PRKN: variants seen among roughly 807,000 people sequenced by gnomAD.
The protein encoded by PRKN is parkin RBR E3 ubiquitin protein ligase.
A neutral mutation model predicts 59.5 loss-of-function variants in PRKN; 56 were observed. The observed-to-expected ratio is 0.94, with a 90% CI of 0.76 to 1.18. The LOEUF (loss-of-function observed/expected upper bound fraction) is 1.18. PRKN is among the 50% of genes most tolerant of loss of function. The pLI is 0.00. For synonymous variants in PRKN, 250 were observed against 222.1 expected (o/e 1.13, Z -1.12); for missense variants, 657 against 596.4 (o/e 1.10, Z -1.06).
At chr6:162,554,713 T>C (rs1437879449) in intron 1 of PRKN, among the ~76,000 whole-genome samples, 1 of 151,918 alleles carries the variant, frequency 6.6e-6, no homozygotes, top group East Asian at 1.9e-4. Flanking sequence ...GCTTGGCTGG[T>C]GTTGAGGAGG....
chr6:162,097,079 T>C (rs1303548112), intron 4 of PRKN, among the ~76,000 whole-genome samples: 1 of 152,072 alleles, frequency 6.6e-6, no homozygotes, highest in Non-Finnish European at 1.5e-5. Flanking sequence ...AGTTTCACCA[T>C]GTTGGTCAGG....
intron 6 of PRKN, among the ~76,000 whole-genome samples, chr6:161,930,787 T>C (rs143956969): frequency 2.6e-5 from 4 of 152,254 alleles, no homozygotes; most frequent in African/African-American, 9.6e-5. Flanking sequence ...AATCACAGGA[T>C]CCTTAAAAGG....
At position 161,374,022 on chromosome 6, in the gene PRKN, C is replaced by A. The variant is rs564399001; in HGVS notation, c.1167+12772G>T. Among the ~76,000 whole-genome samples, 5 of 152,252 alleles carry A rather than the reference C, an allele frequency of 3.3e-5. No homozygotes were observed. The South Asian group carries it at 1.0e-3, about 32-fold the overall frequency. The stretch of plus-strand genomic sequence containing the variant: ...TTTTATTTTTGTTTCTGGACAAATC[C>A]AGCATTTTCCTTAAGGGTTTAGCGC... On this transcript the variant is annotated intron_variant, in intron 10 of 11. Coordinates refer to ENST00000366898, the MANE Select transcript of PRKN (RefSeq NM_004562.3).
intron 2 of PRKN, among the ~76,000 whole-genome samples, chr6:162,281,033 A>C (rs1016593903): frequency 6.6e-6 from 1 of 152,136 alleles, no homozygotes; most frequent in African/African-American, 2.4e-5. Flanking sequence ...CAGGAACAGA[A>C]AAAAACACTG....
chr6:161,864,108 A>G (rs1268738919), intron 6 of PRKN, among the ~76,000 whole-genome samples: 1 of 152,170 alleles, frequency 6.6e-6, no homozygotes, highest in African/African-American at 2.4e-5. Flanking sequence ...AAACGAAGAC[A>G]AAGTTGGCCC....
chr6:162,567,566 A>C (rs1208587155), intron 1 of PRKN, among the ~76,000 whole-genome samples: 1 of 152,126 alleles, frequency 6.6e-6, no homozygotes, highest in East Asian at 1.9e-4. Flanking sequence ...TACCCAAAGA[A>C]GCAAAAGATC....
At chr6:162,411,219 G>A (rs2128154716) in intron 2 of PRKN, among the ~76,000 whole-genome samples, 1 of 152,268 alleles carries the variant, frequency 6.6e-6, no homozygotes, top group African/African-American at 2.4e-5. Flanking sequence ...TTTAAAAATG[G>A]ATTTCAAGAC....
intron 7 of PRKN, among the ~76,000 whole-genome samples, chr6:161,676,954 C>T (rs898253132): frequency 2.6e-5 from 4 of 152,186 alleles, no homozygotes; most frequent in Admixed American, 6.5e-5. Flanking sequence ...GAGTAATCTG[C>T]GGTCTTTCAT....
At chr6:161,623,390 T>C (rs1782977225) in intron 7 of PRKN, among the ~76,000 whole-genome samples, 1 of 152,222 alleles carries the variant, frequency 6.6e-6, no homozygotes. Context: ...GATTTTATTG[T>C]AGTATTCCCT....
At chr6:161,406,209 CATATATACATATAT>C (rs1352027606) in intron 9 of PRKN, among the ~76,000 whole-genome samples, 1 of 142,272 alleles carries the variant, frequency 7.0e-6, no homozygotes, top group African/African-American at 2.7e-5. Context: ...TACATATACA[CATATATACATATAT>C]ATATATACAC....
chr6:162,136,991 G>A (rs911203277), intron 4 of PRKN, among the ~76,000 whole-genome samples: 1 of 151,558 alleles, frequency 6.6e-6, no homozygotes, highest in East Asian at 1.9e-4. Context: ...TTATGAAGTG[G>A]GCAGATGTAT....
At chr6:162,720,018 T>C (rs1031580100) in intron 1 of PRKN, among the ~76,000 whole-genome samples, 7 of 152,176 alleles carry the variant, frequency 4.6e-5, no homozygotes, top group Non-Finnish European at 7.3e-5. Context: ...TTCCTATCAT[T>C]TCATGATCTG....
chr6:161,922,258 CTT>C (rs1778811636), intron 6 of PRKN, among the ~76,000 whole-genome samples: 1 of 152,108 alleles, frequency 6.6e-6, no homozygotes, highest in Non-Finnish European at 1.5e-5. Flanking sequence ...TCCTGCTTGT[CTT>C]TTAAAATTCC....
intron 9 of PRKN, among the ~76,000 whole-genome samples, chr6:161,491,668 T>C (rs1777563000): frequency 6.6e-6 from 1 of 151,944 alleles, no homozygotes; most frequent in African/African-American, 2.4e-5. Flanking sequence ...TCTTTCTCTG[T>C]CACCCGGGCT....
At chr6:161,495,497 G>C (rs1777715694) in intron 9 of PRKN, among the ~76,000 whole-genome samples, 1 of 152,236 alleles carries the variant, frequency 6.6e-6, no homozygotes, top group Non-Finnish European at 1.5e-5. Flanking sequence ...TCTGGCACCT[G>C]AGATGTAAAC....
intron 7 of PRKN, among the ~76,000 whole-genome samples, chr6:161,600,155 T>C (rs1052071520): frequency 3.9e-5 from 6 of 152,232 alleles, no homozygotes; most frequent in Non-Finnish European, 8.8e-5. Context: ...GCCTAATTTT[T>C]ATTCCTTACT....
At chr6:162,689,799 C>G (rs1328422916) in intron 1 of PRKN, among the ~76,000 whole-genome samples, 1 of 152,170 alleles carries the variant, frequency 6.6e-6, no homozygotes. Flanking sequence ...GCATGAATCA[C>G]GCAAGAGTGT....
chr6:161,654,767 G>A lies in PRKN; in HGVS notation c.872-85351C>T, dbSNP rs139470399. 9.5e-4 allele frequency among the ~76,000 whole-genome samples: 145 copies of A among 152,296 alleles called. 1 individual carries two copies. The highest frequency in any genetic ancestry group is 7.6e-3 in the East Asian group (39 of 5,146). On this transcript the variant is annotated intron_variant, in intron 7 of 11. Transcript: ENST00000366898. ...CGAAAGGTCACCTGTCTCCCACGGA[G>A]GCATGGCTTCCCATGGAGAGAAGGA...
rs1380700777 is a variant in PRKN, at chr6:161,445,804, C to T, written c.1084-58927G>A. On this transcript the variant is annotated intron_variant, in intron 9 of 11. Transcript: ENST00000366898. The surrounding 1 kb of genome is among the most constrained non-coding windows in gnomAD (Gnocchi z 7.7). ...CAAAGAATACAAGGGGTTTCCCTTCCCTTCCCTTCCCTTCCCTTCCCTTCC... is the reference window on the plus strand; with the variant it reads ...CAAAGAATACAAGGGGTTTCCCTTCTCTTCCCTTCCCTTCCCTTCCCTTCC... Among the ~76,000 whole-genome samples, 2 of 88,926 alleles carry T rather than the reference C, an allele frequency of 2.2e-5. No homozygotes were observed. The highest frequency in any genetic ancestry group is 5.2e-5 in the Non-Finnish European group (2 of 38,232). The allele number at this position is 88,926 out of a possible 152,430, so 58.3% of individuals were successfully genotyped here. A position where few individuals can be genotyped will look rare whatever the true frequency, so the allele number is the denominator to read the frequency against.
Sources: allele counts gnomAD v4.1 joint callset (sites outside exome capture counted in the v4.1 genomes callset), GRCh38; gene constraint gnomAD v4.1.1; non-coding constraint Gnocchi (gnomAD v3.1); transcripts MANE v1.5; gene names NCBI Gene and HGNC (gene_info 2026-07-23, HGNC 2026-07-21).